Variants in UST observed in about 807,000 individuals in gnomAD.
The protein encoded by UST is uronyl 2-sulfotransferase.
UST carries 21 observed loss-of-function variants against 45.6 expected under a neutral mutation model. The observed-to-expected ratio is 0.46, with a 90% CI of 0.33 to 0.66. UST has a LOEUF of 0.66. UST is among the 30% of genes least tolerant of loss of function. The pLI is 0.02. For missense variants in UST, 463 were observed against 512.4 expected, an observed-to-expected ratio of 0.90 and a Z score of 0.93; for synonymous variants, 215 against 200.6, an observed-to-expected ratio of 1.07 and a Z score of -0.61.
chr6:148,761,631 G>T (rs1277559704), intron 1 of UST, among the ~76,000 whole-genome samples: 1 of 152,224 alleles, frequency 6.6e-6, no homozygotes, highest in Non-Finnish European at 1.5e-5. Flanking sequence ...GGTGGAGAAT[G>T]CCCGGCAGGG....
At chr6:148,882,317 C>T (rs1317543720) in intron 1 of UST, among the ~76,000 whole-genome samples, 2 of 151,906 alleles carry the variant, frequency 1.3e-5, no homozygotes, top group African/African-American at 4.8e-5. Context: ...GAAACCCCAT[C>T]ACTACTAAAA....
chr6:148,766,810 G>A (rs1451684487), intron 1 of UST, among the ~76,000 whole-genome samples: 1 of 152,212 alleles, frequency 6.6e-6, no homozygotes. Flanking sequence ...ATTCTAATAT[G>A]CAACCAAAGT....
chr6:148,870,104 T>TCACACA (rs60229120), intron 1 of UST, among the ~76,000 whole-genome samples: 2,167 of 141,516 alleles, frequency 0.015, 40 homozygotes, highest in African/African-American at 0.042. Context: ...TGGTAATGTT[T>TCACACA]CACACACACA....
intron 2 of UST, among the ~76,000 whole-genome samples, chr6:148,923,703 G>A (rs9942524): frequency 0.19 from 29,198 of 152,044 alleles, 2,949 homozygotes; most frequent in African/African-American, 0.23. Flanking sequence ...TCAGGAGATC[G>A]AGACCATCAC....
intron 1 of UST, among the ~76,000 whole-genome samples, chr6:148,880,888 G>A (rs991345112): frequency 1.3e-5 from 2 of 152,118 alleles, no homozygotes; most frequent in African/African-American, 4.8e-5. Flanking sequence ...AGTTAGCTGG[G>A]TGTGGTGGTG....
At chr6:148,767,631 G>T (rs766526788) in intron 1 of UST, among the ~76,000 whole-genome samples, 13 of 152,034 alleles carry the variant, frequency 8.6e-5, no homozygotes, top group Non-Finnish European at 1.9e-4. Flanking sequence ...GATGCACATA[G>T]AGTGAATAAT....
At chr6:148,869,040 G>A (rs1778500542) in intron 1 of UST, among the ~76,000 whole-genome samples, 1 of 152,176 alleles carries the variant, frequency 6.6e-6, no homozygotes. Context: ...CTCAGAAACT[G>A]CAAGACCTTG....
intron 7 of UST, among the ~76,000 whole-genome samples, chr6:149,037,256 G>A (rs1347344872): frequency 1.3e-5 from 2 of 152,132 alleles, no homozygotes; most frequent in Non-Finnish European, 2.9e-5. Flanking sequence ...AGCCAGCTCC[G>A]AAATTCCAGC....
intron 1 of UST, among the ~76,000 whole-genome samples, chr6:148,807,689 G>A (rs1347459912): frequency 6.6e-6 from 1 of 152,062 alleles, no homozygotes; most frequent in Admixed American, 6.6e-5. Context: ...GGTGTTAGGG[G>A]GCTTGGGTAA....
At chr6:148,902,587 C>G (rs1384668) in intron 2 of UST, among the ~76,000 whole-genome samples, 30,364 of 151,836 alleles carry the variant, frequency 0.2, 3,397 homozygotes, top group Middle Eastern at 0.27. Context: ...CGTTGTTGCC[C>G]AGGTTGGTCT....
At chr6:148,817,229 C>T (rs867912640) in intron 1 of UST, among the ~76,000 whole-genome samples, 9 of 152,192 alleles carry the variant, frequency 5.9e-5, no homozygotes, top group African/African-American at 2.2e-4. Flanking sequence ...AATACTAAAG[C>T]TGGGGTCAGC....
At chr6:148,805,888 G>A (rs1026448070) in intron 1 of UST, among the ~76,000 whole-genome samples, 3 of 152,168 alleles carry the variant, frequency 2.0e-5, no homozygotes. Context: ...TATGGAGCCT[G>A]TGAATAGAGG....
At chr6:148,952,134 A>ATTCAAGAGTT (rs1780377006) in intron 3 of UST, among the ~76,000 whole-genome samples, 1 of 152,254 alleles carries the variant, frequency 6.6e-6, no homozygotes, top group African/African-American at 2.4e-5. Flanking sequence ...TACATTAAAC[A>ATTCAAGAGTT]TACACACAGT....
chr6:148,909,265 G>C (rs1779430590), intron 2 of UST, among the ~76,000 whole-genome samples: 1 of 152,144 alleles, frequency 6.6e-6, no homozygotes, highest in African/African-American at 2.4e-5. Context: ...TAATCATTGT[G>C]ATGGCTGCTA....
At chr6:148,975,932 G>C (rs772808853) in intron 5 of UST, among the ~76,000 whole-genome samples, 73 of 152,258 alleles carry the variant, frequency 4.8e-4, no homozygotes, top group Non-Finnish European at 8.2e-4. Context: ...ATGAATTTTA[G>C]ATTTGTCTTT....
intron 1 of UST, among the ~76,000 whole-genome samples, chr6:148,797,138 G>A (rs750484604): frequency 1.3e-5 from 2 of 152,086 alleles, no homozygotes; most frequent in African/African-American, 4.8e-5. Flanking sequence ...TCAGCTGGGT[G>A]TTGTGGCATG....
chr6:148,991,618 C>T (rs1184249024), intron 5 of UST, among the ~76,000 whole-genome samples: 1 of 149,784 alleles, frequency 6.7e-6, no homozygotes, highest in Non-Finnish European at 1.5e-5. Flanking sequence ...TTTATATCAA[C>T]TGTTACTGGA....
chr6:148,843,409 A>G (rs1296903357), intron 1 of UST, among the ~76,000 whole-genome samples: 1 of 152,230 alleles, frequency 6.6e-6, no homozygotes, highest in Admixed American at 6.5e-5. Flanking sequence ...TCCAATCAAT[A>G]TGATTGCAGT....
intron 7 of UST, among the ~76,000 whole-genome samples, chr6:149,065,143 C>T (rs58222661): frequency 2.4e-4 from 37 of 152,138 alleles, no homozygotes; most frequent in Admixed American, 4.6e-4. Context: ...GCTCACCTAA[C>T]GAGGGCTTCT....
Sources: gnomAD v4.1 joint callset for allele counts (sites outside exome capture counted in the v4.1 genomes callset) on GRCh38, gnomAD v4.1.1 for gene constraint, MANE v1.5 for transcripts, NCBI Gene and HGNC (gene_info 2026-07-23, HGNC 2026-07-21) for gene names.